Variants in DALRD3 observed in about 807,000 individuals in gnomAD.
DALRD3 encodes the protein DALR anticodon-binding domain-containing protein 3.
DALRD3 carries 47 observed loss-of-function variants against 56.7 expected under a neutral mutation model. The ratio of observed to expected loss-of-function variants is 0.83; its 90% CI spans 0.66 to 1.06. The LOEUF is 1.06. Among genes scored for constraint, DALRD3 ranks in the 50% least tolerant of loss-of-function variants. The pLI is 0.00. For synonymous variants in DALRD3, 347 were observed against 308.5 expected (o/e 1.12, Z -1.31); for missense variants, 787 against 724.0 (o/e 1.09, Z -1.00).
rs2106738050 is a variant in DALRD3 at position 49,017,626 on chromosome 3, C to T, written c.705G>A (p.Leu235=). The change falls in exon 3 of 12, where the codon CTG becomes CTA. Residue 235 remains leucine (L), a synonymous_variant. Transcript: ENST00000341949. ...QGRTAGYDPN[L]DNCLVTEDLL... ...TTCAGGTCCTACCCAGACAGTTGTC[C>T]AGGTTGGGGTCATAGCCAGCTGTGC... 2 of 1,614,182 alleles carry T rather than the reference C, an allele frequency of 1.2e-6. No homozygotes were observed. Among genetic ancestry groups the T allele is most frequent in the Non-Finnish European group, 1.7e-6 (2 of 1,180,010 alleles).
At chr3:49,016,718 A>G in intron 6 of DALRD3, 45 bp from the exon 7 acceptor site, 1 of 1,613,774 alleles carries the variant, frequency 6.2e-7, no homozygotes, top group South Asian at 1.1e-5. Context: ...GTCCTGGGTA[A>G]AGAGTCCCCC....
upstream of DALRD3, chr3:49,020,385 T>C: frequency 2.4e-6 from 1 of 415,028 alleles, no homozygotes; most frequent in Non-Finnish European, 5.1e-6. Context: ...AGATGCGGGC[T>C]GAGGCAGCCC....
At position 49,015,609 on chromosome 3, in the gene DALRD3, G is replaced by A. The variant is rs2093052309; in HGVS notation, c.1611C>T (p.Leu537=). 1.2e-6 allele frequency: 2 copies of A among 1,614,154 alleles called. No individual in the cohort carries two copies. The highest frequency in any genetic ancestry group is 1.7e-6 in the Non-Finnish European group (2 of 1,180,032). ...GGCCTTAAATGTGGCTCAGTGGAGG[G>A]AGACCCAGCATAGCCAGGCCAGTAT... is the stretch of plus-strand genomic sequence containing the variant. ...VLHTGLAMLG[L]PPLSHI The change falls in exon 12 of 12, where the codon CTC becomes CTT. Residue 537 remains leucine (L), a synonymous_variant. Coordinates refer to ENST00000341949, the MANE Select transcript of DALRD3 (RefSeq NM_001009996.3).
At position 49,017,242 on chromosome 3, in the gene DALRD3, C is replaced by G; in HGVS notation, c.913G>C (p.Ala305Pro). The G allele has an allele frequency of 3.1e-6, 5 of 1,614,208 alleles. No homozygotes were observed. Among genetic ancestry groups the G allele is most frequent in the Non-Finnish European group, 4.2e-6 (5 of 1,180,034 alleles). ...TATTAACCTACCTGTCTGAGTGGAGCCTTGTCAACCAACTTCTGCCAAAGC... is the reference window on the plus strand; with the variant it reads ...TATTAACCTACCTGTCTGAGTGGAGGCTTGTCAACCAACTTCTGCCAAAGC... ...DLLWQKLVDKAPLRQKHLICG... is the reference protein window; with the variant it reads ...DLLWQKLVDKPPLRQKHLICG... The change falls in exon 5 of 12, where the codon GCT (alanine) becomes CCT (proline). Residue 305 changes from alanine to proline, a missense_variant. Transcript: ENST00000341949.
In DALRD3 at chr3:49,015,512, T is replaced by C; in HGVS notation, c.*76A>G. ...CTTTGTAACAAACAGTACCAATTTA[T>C]TTTGGCCGTGGGTTTTTGCTTTTTT... is the stretch of plus-strand genomic sequence containing the variant. On this transcript the variant is annotated 3_prime_UTR_variant, in exon 12 of 12. Transcript: ENST00000341949. The C allele has an allele frequency of 2.5e-6, 4 of 1,593,584 alleles. No individual in the cohort carries two copies. Among genetic ancestry groups the C allele is most frequent in the Non-Finnish European group, 3.4e-6 (4 of 1,166,384 alleles).
In DALRD3 at chr3:49,016,436, T is replaced by C. The variant is rs764408908; in HGVS notation, c.1139A>G (p.Gln380Arg). The C allele has an allele frequency of 9.3e-6, 15 of 1,612,738 alleles. No homozygotes were observed. In the Admixed American group the frequency reaches 2.0e-4, roughly 22 times the overall value. The stretch of plus-strand genomic sequence containing the variant: ...TCAGGCTCCCAGGCTCACCTGACTC[T>C]GTGGGGCTGTGCTCAGCATCTCAAA... ...IKFEMLSTAP[Q>R]SQLFLALADS... The change falls in exon 8 of 12, where the codon CAG becomes CGG. Residue 380 changes from glutamine (Q) to arginine (R), a missense_variant. Transcript: ENST00000341949.
At chr3:49,018,592 G>GA (rs200075398), upstream of DALRD3, 2,216 of 1,519,250 alleles carry the variant, frequency 1.5e-3, 36 homozygotes, top group African/African-American at 0.025. Flanking sequence ...AGCGGAACCG[G>GA]AAAAAAATTT....
chr3:49,019,936 G>A (rs2093138116), upstream of DALRD3, among the ~76,000 whole-genome samples: 1 of 152,186 alleles, frequency 6.6e-6, no homozygotes, highest in South Asian at 2.1e-4. Flanking sequence ...TCTACCAATA[G>A]GAAAGGTCTT....
In DALRD3 at chr3:49,017,745, G is replaced by A. The variant is rs1234738503; in HGVS notation, c.586C>T (p.Leu196Phe). 2 of 1,614,046 alleles carry A rather than the reference G, an allele frequency of 1.2e-6. No homozygotes were observed. Among genetic ancestry groups the A allele is most frequent in the African/African-American group, 1.3e-5 (1 of 75,076 alleles). ...TCATTAGCAGAGGTAAGTTCTTCAA[G>A]GGCGTGGCTCCTCAGGGTGTGGGAG... Reference protein sequence around the residue: ...ASSHTLRSHALEELTSANDGR... With the variant: ...ASSHTLRSHAFEELTSANDGR... Residue 196 changes from leucine to phenylalanine, a missense_variant, in exon 3 of 12, where the codon CTT (leucine) becomes TTT (phenylalanine). Coordinates refer to ENST00000341949, the MANE Select transcript of DALRD3 (RefSeq NM_001009996.3).
Position 49,018,065 on chromosome 3 carries a change from A to C in DALRD3, c.419T>G (p.Val140Gly). ...TCGCGCCAGGTGATCGGCCACGAGC[A>C]CCGTACGCAGCTGGCTCAAGCGGAG... ...CALRLSQLRT[V>G]LVADHLARAL... The change falls in exon 2 of 12, where the codon GTG (valine) becomes GGG (glycine). Residue 140 changes from valine (V) to glycine (G), a missense_variant. Coordinates refer to ENST00000341949, the MANE Select transcript of DALRD3 (RefSeq NM_001009996.3). 3 of 1,491,882 alleles carry C rather than the reference A, an allele frequency of 2.0e-6. No individual in the cohort carries two copies. Among genetic ancestry groups the C allele is most frequent in the Non-Finnish European group, 2.7e-6 (3 of 1,130,896 alleles). 92.4% of individuals were successfully genotyped at this position (1,491,882 alleles called of 1,614,324 possible).
upstream of DALRD3, chr3:49,020,721 CGG>C (rs761775580): frequency 4.2e-6 from 2 of 477,610 alleles, no homozygotes; most frequent in Admixed American, 4.6e-5. Context: ...TGGCGGGGGG[CGG>C]GGGAGCTCCT....
chr3:49,018,461 A>C lies in DALRD3; in HGVS notation c.104T>G (p.Leu35Arg). Residue 35 changes from leucine to arginine, a missense_variant, in exon 1 of 12, where the codon CTG becomes CGG. Physicochemically the swap from Leu to Arg is moderately radical, Grantham distance 102 (BLOSUM62 -2). Coordinates refer to ENST00000341949, the MANE Select transcript of DALRD3 (RefSeq NM_001009996.3). ...VWIKETRTRH[L>R]RSRDFLAPHR... ...CGGTGCCAGAAAGTCTCGGGAACGC[A>C]GGTGGCGGGTGCGCGTCTCCTTGAT... 1 of 1,589,656 alleles carries C rather than the reference A, an allele frequency of 6.3e-7. No individual in the cohort carries two copies.
At position 49,017,230 on chromosome 3, in the gene DALRD3, G is replaced by C. The variant is rs772389564; in HGVS notation, c.925C>G (p.Gln309Glu). ...QKLVDKAPLRQKHLICGPVKV... is the reference protein window; with the variant it reads ...QKLVDKAPLREKHLICGPVKV... ...CTCCACCATCATTATTAACCTACCT[G>C]TCTGAGTGGAGCCTTGTCAACCAAC... Residue 309 changes from glutamine to glutamate, a missense_variant and splice_region_variant, in exon 5 of 12, where the codon CAG becomes GAG. Physicochemically the swap from Gln to Glu is conservative, Grantham distance 29. Coordinates refer to ENST00000341949, the MANE Select transcript of DALRD3 (RefSeq NM_001009996.3). 2 of 1,614,172 alleles carry C rather than the reference G, an allele frequency of 1.2e-6. No homozygotes were observed. The highest frequency in any genetic ancestry group is 1.7e-6 in the Non-Finnish European group (2 of 1,180,030).
At position 49,015,642 on chromosome 3, in the gene DALRD3, C is replaced by T; in HGVS notation, c.1578G>A (p.Glu526=). 1 of 1,614,122 alleles carries T rather than the reference C, an allele frequency of 6.2e-7. No individual in the cohort carries two copies. Among genetic ancestry groups the T allele is most frequent in the Non-Finnish European group, 8.5e-7 (1 of 1,180,026 alleles). Residue 526 remains glutamate, a synonymous_variant, in exon 12 of 12, where the codon GAG becomes GAA. Transcript: ENST00000341949. The part of the protein sequence containing the change: ...VRLQLLRAVR[E]VLHTGLAMLG... ...GCATAGCCAGGCCAGTATGGAGCAC[C>T]TCACGCACAGCTCTCAGAAGCTGCA...
At chr3:49,019,209 A>G (rs1394512516), upstream of DALRD3, 2 of 196,892 alleles carry the variant, frequency 1.0e-5, no homozygotes, top group Non-Finnish European at 1.8e-5. Context: ...AGTAGCTGGG[A>G]TTACGGGCGC....
In DALRD3 at chr3:49,016,306, G is replaced by A. The variant is rs999488477; in HGVS notation, c.1181C>T (p.Thr394Met). The change falls in exon 9 of 12, where the codon ACG becomes ATG. Residue 394 changes from threonine (T) to methionine (M), a missense_variant. By Grantham distance (81) the Thr-to-Met change is moderately conservative. Transcript: ENST00000341949. ...AAAGGTGCCACTCTTTGTGCCCTTC[G>A]TGGAGATACTGCTGTCAGCCAGAGC... Reference protein sequence around the residue: ...FLALADSSISTKGTKSGTFVM... With the variant: ...FLALADSSISMKGTKSGTFVM... 29 of 1,610,878 alleles carry A rather than the reference G, an allele frequency of 1.8e-5. No individual in the cohort carries two copies. Among genetic ancestry groups the A allele is most frequent in the African/African-American group, 9.4e-5 (7 of 74,848 alleles).
At chr3:49,017,055 AC>A in intron 5 of DALRD3, 172 bp downstream of exon 5, 4 of 989,254 alleles carry the variant, frequency 4.0e-6, no homozygotes, top group South Asian at 1.6e-5. Flanking sequence ...GTGTCTACAG[AC>A]CCCCCTTCCC....
chr3:49,016,110 A>AG (rs770905100), intron 9 of DALRD3, 24 bp from the exon 10 acceptor site: 1 of 1,608,450 alleles, frequency 6.2e-7, no homozygotes, highest in African/African-American at 1.3e-5. Flanking sequence ...AGGTGCTGGG[A>AG]GGGGAAGTCC....
upstream of DALRD3, among the ~76,000 whole-genome samples, chr3:49,019,924 C>T (rs2093137914): frequency 6.6e-6 from 1 of 152,220 alleles, no homozygotes; most frequent in African/African-American, 2.4e-5. Flanking sequence ...GTATCTTGCT[C>T]CTCTACCAAT....
Sources: allele counts gnomAD v4.1 joint callset (sites outside exome capture counted in the v4.1 genomes callset), GRCh38; gene constraint gnomAD v4.1.1; transcripts MANE v1.5; gene names NCBI Gene and HGNC (gene_info 2026-07-23, HGNC 2026-07-21).